Variants in CUL1 observed in about 807,000 individuals in gnomAD.
The protein encoded by CUL1 is cullin-1.
Under a neutral mutation model 118.0 loss-of-function variants are expected in CUL1, and 24 were observed. The ratio of observed to expected loss-of-function variants is 0.20; its 90% CI spans 0.15 to 0.29. The LOEUF (loss-of-function observed/expected upper bound fraction) is 0.29, where lower values mean the gene tolerates loss of function less well. Among genes scored for constraint, CUL1 ranks in the 10% least tolerant of loss-of-function variants. CUL1 has a pLI of 1.00. For synonymous variants in CUL1, 332 were observed against 340.4 expected (o/e 0.98, Z 0.27); for missense variants, 361 against 933.8 (o/e 0.39, Z 7.99).
At chr7:148,781,139 T>G (rs1350621246) in intron 9 of CUL1, among the ~76,000 whole-genome samples, 2 of 128,650 alleles carry the variant, frequency 1.6e-5, no homozygotes, top group Non-Finnish European at 3.1e-5. Flanking sequence ...TGGAATGCAG[T>G]GGCGCGATCT....
At chr7:148,713,028 T>A (rs1168028916) in intron 1 of CUL1, among the ~76,000 whole-genome samples, 1 of 152,234 alleles carries the variant, frequency 6.6e-6, no homozygotes, top group Non-Finnish European at 1.5e-5. Context: ...TTTGATTTTT[T>A]AAAAAGTTCC....
chr7:148,758,981 C>T (rs900122961), intron 4 of CUL1, among the ~76,000 whole-genome samples: 2 of 152,152 alleles, frequency 1.3e-5, no homozygotes, highest in Admixed American at 1.3e-4. Context: ...TGGAAACCTG[C>T]TTGACCTAAA....
At chr7:148,798,701 C>T in intron 20 of CUL1, 24 bp downstream of exon 20, 1 of 1,589,668 alleles carries the variant, frequency 6.3e-7, no homozygotes. Flanking sequence ...ATGCCTGTGC[C>T]AGGTGTGCTG....
chr7:148,762,541 AAC>A (rs1799865183), intron 7 of CUL1, among the ~76,000 whole-genome samples: 1 of 152,228 alleles, frequency 6.6e-6, no homozygotes, highest in Non-Finnish European at 1.5e-5. Flanking sequence ...GAACTTTTGA[AAC>A]AGTCTGTTTT....
At chr7:148,799,474 TGAA>T (rs1280741371) in intron 21 of CUL1, 86 bp downstream of exon 21, 1 of 898,290 alleles carries the variant, frequency 1.1e-6, no homozygotes, top group African/African-American at 1.7e-5. Flanking sequence ...TGCTGTAGCA[TGAA>T]GGAGGAGGGA....
intron 3 of CUL1, 86 bp downstream of exon 3, chr7:148,754,236 T>C: frequency 2.2e-6 from 2 of 897,114 alleles, no homozygotes; most frequent in Non-Finnish European, 3.3e-6. Flanking sequence ...AATCTTTCAC[T>C]GTCATCTGTT....
chr7:148,743,943 A>G (rs1316455968), intron 2 of CUL1, among the ~76,000 whole-genome samples: 1 of 152,236 alleles, frequency 6.6e-6, no homozygotes, highest in Middle Eastern at 3.4e-3. Flanking sequence ...TTTTTTTCAT[A>G]TATTTTGAAA....
intron 1 of CUL1, among the ~76,000 whole-genome samples, chr7:148,699,973 G>A (rs1257131218): frequency 2.0e-5 from 3 of 152,174 alleles, no homozygotes; most frequent in Non-Finnish European, 4.4e-5. Flanking sequence ...ATTGTGTAGC[G>A]CAGACATAAG....
At chr7:148,773,336 T>TA (rs1800283263) in intron 9 of CUL1, among the ~76,000 whole-genome samples, 1 of 152,018 alleles carries the variant, frequency 6.6e-6, no homozygotes, top group Non-Finnish European at 1.5e-5. Context: ...CAGTCATCCT[T>TA]ACCTTCTGCT....
intron 2 of CUL1, among the ~76,000 whole-genome samples, chr7:148,744,481 C>T (rs1799247155): frequency 1.3e-5 from 2 of 151,112 alleles, no homozygotes; most frequent in Admixed American, 6.6e-5. Flanking sequence ...GGATATAATA[C>T]ACATTTTTCT....
chr7:148,790,152 G>A (rs1800956310), intron 15 of CUL1, among the ~76,000 whole-genome samples, 158 bp from the exon 16 acceptor site: 1 of 152,212 alleles, frequency 6.6e-6, no homozygotes, highest in Non-Finnish European at 1.5e-5. Context: ...AGTGCTTAAA[G>A]TGCTTTACAA....
chr7:148,768,165 C>T (rs1444620467), intron 9 of CUL1, among the ~76,000 whole-genome samples: 1 of 152,038 alleles, frequency 6.6e-6, no homozygotes, highest in East Asian at 1.9e-4. Context: ...TGGAGAGGCC[C>T]TGCAGTTTAT....
At chr7:148,795,553 T>C (rs970477667) in intron 17 of CUL1, among the ~76,000 whole-genome samples, 4 of 151,904 alleles carry the variant, frequency 2.6e-5, no homozygotes, top group South Asian at 2.1e-4. Context: ...GATCACGAGG[T>C]CAGGAGATCG....
chr7:148,788,825 C>T lies in CUL1; in HGVS notation c.1597+151C>T, dbSNP rs545647312. 8.1e-4 allele frequency: 521 copies of T among 642,078 alleles called. 6 individuals are homozygous for T. Among genetic ancestry groups the T allele is most frequent in the South Asian group, 6.3e-3 (342 of 54,552 alleles). 39.8% of individuals were successfully genotyped at this position (642,078 alleles called of 1,614,324 possible). On this transcript the variant is annotated intron_variant, in intron 14 of 21. Coordinates refer to ENST00000325222, the MANE Select transcript of CUL1 (RefSeq NM_003592.3). ...AGATTCCTCCCAAATGCCCAGCCCT[C>T]CTCCCCCGACTCCCGTGTGACATTA...
At chr7:148,724,503 AGT>A (rs936171744) in intron 1 of CUL1, among the ~76,000 whole-genome samples, 14 of 152,090 alleles carry the variant, frequency 9.2e-5, no homozygotes, top group African/African-American at 2.9e-4. Flanking sequence ...GCCAGCAGCT[AGT>A]GTGTGTGTGG....
chr7:148,771,064 T>C (rs1800192162), intron 9 of CUL1, among the ~76,000 whole-genome samples: 1 of 152,230 alleles, frequency 6.6e-6, no homozygotes, highest in African/African-American at 2.4e-5. Flanking sequence ...TTAAATGCCA[T>C]AGAAGGCACT....
intron 3 of CUL1, among the ~76,000 whole-genome samples, chr7:148,755,067 A>C (rs1471471440): frequency 6.6e-6 from 1 of 152,206 alleles, no homozygotes; most frequent in Non-Finnish European, 1.5e-5. Context: ...CGTGTATTTC[A>C]AAACTGCTGT....
intron 2 of CUL1, among the ~76,000 whole-genome samples, chr7:148,740,664 C>T (rs1223097869): frequency 2.0e-5 from 3 of 152,116 alleles, no homozygotes; most frequent in African/African-American, 4.8e-5. Flanking sequence ...GCCCTAACCC[C>T]CAGTATATTT....
chr7:148,705,685 G>A lies in CUL1; in HGVS notation c.-162+6656G>A, dbSNP rs1453253020. 3.3e-5 allele frequency among the ~76,000 whole-genome samples: 5 copies of A among 152,292 alleles called. No individual in the cohort carries two copies. In the East Asian group the frequency reaches 5.8e-4, roughly 18 times the overall value. ...TGGTGAGACTGGAAGGAAAGGTTTG[G>A]AATCCTAGATGATGTCAATAAACCA... On this transcript the variant is annotated intron_variant, in intron 1 of 21. Coordinates refer to ENST00000325222, the MANE Select transcript of CUL1 (RefSeq NM_003592.3).
Sources: allele counts gnomAD v4.1 joint callset (sites outside exome capture counted in the v4.1 genomes callset), GRCh38; gene constraint gnomAD v4.1.1; transcripts MANE v1.5; gene names NCBI Gene and HGNC (gene_info 2026-07-23, HGNC 2026-07-21).